Variants in TMEM217B observed in about 807,000 individuals in gnomAD.
TMEM217B encodes putative transmembrane protein 217B.
chr6:37,253,146 T>G, the TMEM217B span, among the ~76,000 whole-genome samples: 3 of 152,250 alleles, frequency 2.0e-5, no homozygotes, highest in African/African-American at 7.2e-5. Flanking sequence ...TTCATACACC[T>G]TTTTGATGTG....
chr6:37,218,229 G>A, the TMEM217B span: 2 of 1,357,104 alleles, frequency 1.5e-6, no homozygotes, highest in African/African-American at 3.0e-5. Context: ...AAGTGCACTG[G>A]CGCAATCTCG....
chr6:37,234,354 C>A, the TMEM217B span, among the ~76,000 whole-genome samples: 2 of 152,184 alleles, frequency 1.3e-5, no homozygotes, highest in Admixed American at 1.3e-4. Context: ...CCTGCCTTGG[C>A]CTCCCAAAGT....
At chr6:37,245,753 A>G in the TMEM217B span, among the ~76,000 whole-genome samples, 1 of 151,882 alleles carries the variant, frequency 6.6e-6, no homozygotes, top group Non-Finnish European at 1.5e-5. Flanking sequence ...GAGATGGAGG[A>G]GGAGATCTAC....
At chr6:37,236,894 G>A in the TMEM217B span, among the ~76,000 whole-genome samples, 1 of 152,076 alleles carries the variant, frequency 6.6e-6, no homozygotes, top group Non-Finnish European at 1.5e-5. Context: ...GATGCCTGGC[G>A]ATTGCTCTTG....
At chr6:37,234,461 C>T in the TMEM217B span, among the ~76,000 whole-genome samples, 1 of 152,176 alleles carries the variant, frequency 6.6e-6, no homozygotes, top group Non-Finnish European at 1.5e-5. Flanking sequence ...GACATAACCT[C>T]ATCGTAAGTT....
the TMEM217B span, among the ~76,000 whole-genome samples, chr6:37,226,281 C>CTTT: frequency 3.9e-4 from 29 of 74,892 alleles, 2 homozygotes; most frequent in African/African-American, 6.0e-4. Flanking sequence ...TTGAGACAGT[C>CTTT]TTTTTTTTTT....
the TMEM217B span, among the ~76,000 whole-genome samples, chr6:37,241,138 T>G: frequency 1.3e-5 from 2 of 149,518 alleles, no homozygotes; most frequent in African/African-American, 2.5e-5. Flanking sequence ...TTGCTCTGTC[T>G]CCCAGGCTGG....
the TMEM217B span, among the ~76,000 whole-genome samples, chr6:37,244,099 A>T: frequency 3.9e-5 from 6 of 152,236 alleles, no homozygotes; most frequent in Non-Finnish European, 8.8e-5. Flanking sequence ...AGTAGAACTC[A>T]GGCCCCTCTC....
At chr6:37,245,499 A>G in the TMEM217B span, among the ~76,000 whole-genome samples, 1 of 152,362 alleles carries the variant, frequency 6.6e-6, no homozygotes, top group East Asian at 1.9e-4. Flanking sequence ...AGCCCACAAC[A>G]TGTGCCATGA....
At chr6:37,234,720 A>G in the TMEM217B span, among the ~76,000 whole-genome samples, 1 of 152,108 alleles carries the variant, frequency 6.6e-6, no homozygotes, top group Non-Finnish European at 1.5e-5. Context: ...TAGGCGACAG[A>G]GTGAGACTCC....
At chr6:37,218,468 A>T in the TMEM217B span, 56 of 1,613,356 alleles carry the variant, frequency 3.5e-5, no homozygotes, top group Non-Finnish European at 4.5e-5. Context: ...TGAGCCACTG[A>T]ACCCACTCGA....
chr6:37,235,200 T>C, the TMEM217B span, among the ~76,000 whole-genome samples: 1 of 152,158 alleles, frequency 6.6e-6, no homozygotes, highest in Admixed American at 6.5e-5. Flanking sequence ...GGAAATGATA[T>C]ATTACTTCAA....
At chr6:37,218,351 A>T in the TMEM217B span, 1 of 1,272,696 alleles carries the variant, frequency 7.9e-7, no homozygotes, top group South Asian at 1.5e-5. Context: ...TATTTTTTTT[A>T]GTAGAGACGG....
chr6:37,215,597 A>AAAAAAAG, the TMEM217B span, among the ~76,000 whole-genome samples: 5 of 146,882 alleles, frequency 3.4e-5, no homozygotes, highest in African/African-American at 1.0e-4. Flanking sequence ...AAAAAAAAAA[A>AAAAAAAG]AAAAGAAAAG....
At chr6:37,222,324 C>G in the TMEM217B span, among the ~76,000 whole-genome samples, 14 of 152,214 alleles carry the variant, frequency 9.2e-5, no homozygotes, top group Non-Finnish European at 1.9e-4. Context: ...CCATGGCCCC[C>G]CCAGGGCTCG....
the TMEM217B span, among the ~76,000 whole-genome samples, chr6:37,213,770 C>T: frequency 6.6e-6 from 1 of 152,226 alleles, no homozygotes; most frequent in East Asian, 1.9e-4. Context: ...GTAGGCTGGG[C>T]CTACAGCGCA....
chr6:37,247,691 A>G, the TMEM217B span, among the ~76,000 whole-genome samples: 1 of 152,080 alleles, frequency 6.6e-6, no homozygotes, highest in Non-Finnish European at 1.5e-5. Flanking sequence ...GCAAACTATT[A>G]AGCCAACTAC....
the TMEM217B span, among the ~76,000 whole-genome samples, chr6:37,222,521 G>C: frequency 5.9e-5 from 9 of 152,172 alleles, no homozygotes; most frequent in Admixed American, 5.9e-4. Context: ...CCGCTAACTC[G>C]AAAGGGGCGG....
At chr6:37,225,210 A>G in the TMEM217B span, among the ~76,000 whole-genome samples, 1 of 152,260 alleles carries the variant, frequency 6.6e-6, no homozygotes, top group African/African-American at 2.4e-5. Flanking sequence ...AAAAAAAGAA[A>G]AAAAAATTAC....
Sources: allele counts gnomAD v4.1 joint callset (sites outside exome capture counted in the v4.1 genomes callset), GRCh38; gene constraint gnomAD v4.1.1; transcripts MANE v1.5; gene names NCBI Gene and HGNC (gene_info 2026-07-23, HGNC 2026-07-21).